Variants in AFF3 observed in about 807,000 individuals in gnomAD.
AFF3 encodes the protein AF4/FMR2 family member 3.
A neutral mutation model predicts 129.7 loss-of-function variants in AFF3; 32 were observed. That is an observed-to-expected ratio of 0.25 (90% CI 0.19 to 0.33). The LOEUF (loss-of-function observed/expected upper bound fraction) is 0.33. AFF3 is among the 10% of genes least tolerant of loss of function. The pLI is 1.00. For missense variants in AFF3, 1,373 were observed against 1,592.0 expected (o/e 0.86, Z 2.34); for synonymous variants, 644 against 635.4 (o/e 1.01, Z -0.20).
chr2:99,689,078 C>A (rs1675351421), intron 11 of AFF3, among the ~76,000 whole-genome samples: 1 of 152,134 alleles, frequency 6.6e-6, no homozygotes, highest in South Asian at 2.1e-4. Context: ...TCTTATTTCT[C>A]AAGCTTTTCT....
chr2:100,113,912 G>A (rs1691624624), intron 2 of AFF3, among the ~76,000 whole-genome samples: 1 of 152,078 alleles, frequency 6.6e-6, no homozygotes, highest in African/African-American at 2.4e-5. Context: ...AGGTCAAATG[G>A]GGGTTAGGGG....
Position 99,595,585 on chromosome 2 carries a change from A to G in AFF3, c.1372-1296T>C, listed in dbSNP as rs370246436. 9.9e-5 allele frequency among the ~76,000 whole-genome samples: 15 copies of G among 152,190 alleles called. No individual in the cohort carries two copies. In the South Asian group the frequency reaches 1.2e-3, roughly 13 times the overall value. ...AATAAAATTTTAATAAAAATAATAAATACATTTAAATAATAAAATTTGAAA... is the reference window on the plus strand; with the variant it reads ...AATAAAATTTTAATAAAAATAATAAGTACATTTAAATAATAAAATTTGAAA... On this transcript the variant is annotated intron_variant, in intron 14 of 24. Transcript: ENST00000672756.
At chr2:99,695,341 C>G (rs1676100598) in intron 11 of AFF3, among the ~76,000 whole-genome samples, 2 of 152,170 alleles carry the variant, frequency 1.3e-5, no homozygotes, top group Non-Finnish European at 2.9e-5. Flanking sequence ...GGGCGAGTCT[C>G]CCAGGGTGGG....
chr2:99,905,564 G>T (rs1694656140), intron 7 of AFF3, among the ~76,000 whole-genome samples: 1 of 152,130 alleles, frequency 6.6e-6, no homozygotes, highest in Non-Finnish European at 1.5e-5. Flanking sequence ...TGTTCCCTTT[G>T]CTCTCCTGTG....
intron 7 of AFF3, among the ~76,000 whole-genome samples, chr2:99,859,921 A>C (rs1009408898): frequency 2.0e-5 from 3 of 152,116 alleles, no homozygotes; most frequent in African/African-American, 7.2e-5. Context: ...AATAAAGCTT[A>C]TGGTCGCCCC....
At chr2:100,074,548 T>C (rs1688446012) in intron 4 of AFF3, among the ~76,000 whole-genome samples, 1 of 152,190 alleles carries the variant, frequency 6.6e-6, no homozygotes, top group South Asian at 2.1e-4. Flanking sequence ...ACTTAAAAAA[T>C]GGTTTGTTAA....
intron 7 of AFF3, among the ~76,000 whole-genome samples, chr2:99,959,137 G>A (rs1676963404): frequency 6.6e-6 from 1 of 152,020 alleles, no homozygotes; most frequent in Admixed American, 6.6e-5. Flanking sequence ...AGTAGATGCT[G>A]AGCAGGCAAA....
chr2:99,576,515 C>CAAA (rs776848009), intron 18 of AFF3, among the ~76,000 whole-genome samples: 5 of 63,034 alleles, frequency 7.9e-5, no homozygotes, highest in East Asian at 3.9e-4. Context: ...GACCCTGTCT[C>CAAA]AAAAAAAAAA....
intron 7 of AFF3, among the ~76,000 whole-genome samples, chr2:99,969,264 T>G (rs1020182553): frequency 2.6e-5 from 4 of 152,194 alleles, no homozygotes; most frequent in Admixed American, 1.3e-4. Context: ...CACAACTTCA[T>G]GTTCTCTTTG....
intron 8 of AFF3, among the ~76,000 whole-genome samples, chr2:99,800,168 C>T (rs1685834769): frequency 6.6e-6 from 1 of 152,086 alleles, no homozygotes; most frequent in East Asian, 1.9e-4. Context: ...AAGATATTTG[C>T]AAAGTATGTA....
chr2:99,919,562 A>G (rs1017392766), intron 7 of AFF3, among the ~76,000 whole-genome samples: 1 of 152,168 alleles, frequency 6.6e-6, no homozygotes. Context: ...TACCTACAAT[A>G]TTTTTTATTA....
chr2:99,548,568 T>C lies in AFF3; in HGVS notation c.*2906A>G. 5.1e-6 allele frequency: 1 copy of C among 196,924 alleles called. No individual in the cohort carries two copies. The highest frequency in any genetic ancestry group is 1.1e-5 in the Non-Finnish European group (1 of 95,218). 12.2% of individuals were successfully genotyped at this position (196,924 alleles called of 1,614,324 possible). A position where few individuals can be genotyped will look rare whatever the true frequency, so the allele number is the denominator to read the frequency against. On this transcript the variant is annotated 3_prime_UTR_variant, in exon 25 of 25. Coordinates refer to ENST00000672756, the MANE Select transcript of AFF3 (RefSeq NM_001386135.1). ...CCTGGGCAACATAGTGAGACCCCCA[T>C]CTCTACAAAAAAAATAAAGAAAAAA...
intron 7 of AFF3, among the ~76,000 whole-genome samples, chr2:99,891,984 G>A (rs1055836814): frequency 3.3e-5 from 5 of 152,100 alleles, no homozygotes; most frequent in Admixed American, 6.5e-5. Context: ...CACCATGCCC[G>A]GCTCATTTTT....
chr2:99,945,798 G>A (rs369351986), intron 7 of AFF3, among the ~76,000 whole-genome samples: 4 of 152,318 alleles, frequency 2.6e-5, no homozygotes, highest in African/African-American at 9.6e-5. Context: ...AGTAAGCCAT[G>A]CTTATGGAAG....
chr2:99,931,157 G>T (rs765285942), intron 7 of AFF3, among the ~76,000 whole-genome samples: 3 of 152,186 alleles, frequency 2.0e-5, no homozygotes, highest in Admixed American at 6.5e-5. Flanking sequence ...TGAAATAAAT[G>T]TAAGGACCCC....
At chr2:99,691,519 A>G (rs1434481327) in intron 11 of AFF3, among the ~76,000 whole-genome samples, 1 of 151,952 alleles carries the variant, frequency 6.6e-6, no homozygotes. Context: ...GAGCTTGTGC[A>G]CCAGACCAAC....
intron 17 of AFF3, among the ~76,000 whole-genome samples, chr2:99,581,439 G>A (rs1317609327): frequency 6.6e-6 from 1 of 152,062 alleles, no homozygotes; most frequent in East Asian, 1.9e-4. Context: ...CCAGCAACTT[G>A]TAATAATCTT....
chr2:99,942,208 G>A (rs1675116568), intron 7 of AFF3, among the ~76,000 whole-genome samples: 1 of 152,120 alleles, frequency 6.6e-6, no homozygotes, highest in South Asian at 2.1e-4. Context: ...CGATCTGCTG[G>A]AGGACACACT....
At chr2:100,004,441 T>C (rs1681755515) in intron 7 of AFF3, among the ~76,000 whole-genome samples, 1 of 152,142 alleles carries the variant, frequency 6.6e-6, no homozygotes, top group African/African-American at 2.4e-5. Flanking sequence ...GTTATGATTG[T>C]GAATTTTATT....
Sources: allele counts gnomAD v4.1 joint callset (sites outside exome capture counted in the v4.1 genomes callset), GRCh38; gene constraint gnomAD v4.1.1; transcripts MANE v1.5; gene names NCBI Gene and HGNC (gene_info 2026-07-23, HGNC 2026-07-21).